DENND2B: variants seen among roughly 807,000 people sequenced by gnomAD.
DENND2B encodes the protein DENN domain containing 2B.
DENND2B carries 32 observed loss-of-function variants against 116.0 expected under a neutral mutation model. The observed-to-expected ratio is 0.28, with a 90% CI of 0.21 to 0.37. The LOEUF is 0.37. Ranked by LOEUF, DENND2B falls within the 10% of genes least tolerant of loss-of-function variation. DENND2B has a pLI of 1.00. For missense variants in DENND2B, 1,276 were observed against 1,477.7 expected (o/e 0.86, Z 2.24); for synonymous variants, 588 against 583.9 (o/e 1.01, Z -0.10).
chr11:8,697,541 G>C lies in DENND2B; in HGVS notation c.3036C>G (p.Asp1012Glu). Reference sequence around the variant, plus strand: ...TATTCTCACCATCGTCGGAGTCGCTGTCAGAGTCCTGGGAGATCAGCTCAT... The same window carrying C: ...TATTCTCACCATCGTCGGAGTCGCTCTCAGAGTCCTGGGAGATCAGCTCAT... ...RKNELISQDSDSDSDDECNTL... is the reference protein window; with the variant it reads ...RKNELISQDSESDSDDECNTL... Residue 1012 changes from aspartate to glutamate, a missense_variant, in exon 17 of 20, where the codon GAC becomes GAG. Asp to Glu is a conservative substitution (Grantham distance 45, BLOSUM62 2). Transcript: ENST00000313726. 2 of 1,614,034 alleles carry C rather than the reference G, an allele frequency of 1.2e-6. No homozygotes were observed. The highest frequency in any genetic ancestry group is 1.7e-6 in the Non-Finnish European group (2 of 1,179,848).
At chr11:8,861,056 G>C (rs1156600748) in intron 2 of DENND2B, among the ~76,000 whole-genome samples, 1 of 151,986 alleles carries the variant, frequency 6.6e-6, no homozygotes, top group Non-Finnish European at 1.5e-5. Context: ...CAAAGATTTA[G>C]ATCTAAGACA....
At chr11:8,740,625 G>C (rs777826789) in intron 2 of DENND2B, among the ~76,000 whole-genome samples, 2 of 152,166 alleles carry the variant, frequency 1.3e-5, no homozygotes, top group Non-Finnish European at 2.9e-5. Flanking sequence ...TGCCATGAGT[G>C]TTATGAGTGC....
chr11:8,783,256 G>A (rs553959819), intron 1 of DENND2B, among the ~76,000 whole-genome samples: 4 of 152,032 alleles, frequency 2.6e-5, no homozygotes, highest in Admixed American at 1.3e-4. Context: ...ATCTCACTAC[G>A]TTGCCCAGGC....
In DENND2B at chr11:8,901,229, C is replaced by CTTTTTTTTTTTTTT. The variant is rs1555223231; in HGVS notation, c.-256+9578_-256+9591dup. 4.8e-5 allele frequency among the ~76,000 whole-genome samples: 4 copies of CTTTTTTTTTTTTTT among 83,918 alleles called. 1 individual carries two copies. Among genetic ancestry groups the CTTTTTTTTTTTTTT allele is most frequent in the Non-Finnish European group, 8.8e-5 (4 of 45,238 alleles). 55.1% of individuals were successfully genotyped at this position (83,918 alleles called of 152,430 possible). On this transcript the variant is annotated intron_variant, in intron 1 of 22. Transcript: ENST00000534127. ...CTTTTTCTTTCTTTTCTTTTCTTTTCTTTTTTTTTTTTTTTTTTGAGATGG... is the reference window on the plus strand; with the variant it reads ...CTTTTTCTTTCTTTTCTTTTCTTTTCTTTTTTTTTTTTTTTTTTTTTTTTTTTTTTTTGAGATGG...
chr11:8,806,634 A>ACACACACACACACACACACACC (rs1442850134), intron 1 of DENND2B, among the ~76,000 whole-genome samples: 11 of 151,680 alleles, frequency 7.3e-5, no homozygotes, highest in Admixed American at 7.2e-4. Flanking sequence ...ACACACACAC[A>ACACACACACACACACACACACC]CACACCCAGG....
chr11:8,800,226 T>C (rs1319512247), intron 1 of DENND2B, among the ~76,000 whole-genome samples: 1 of 152,132 alleles, frequency 6.6e-6, no homozygotes, highest in African/African-American at 2.4e-5. Flanking sequence ...AGTGTTAGGA[T>C]TATAAGTGTG....
upstream of DENND2B, among the ~76,000 whole-genome samples, chr11:8,813,855 T>C (rs1210486945): frequency 6.6e-6 from 1 of 152,160 alleles, no homozygotes; most frequent in Non-Finnish European, 1.5e-5. Flanking sequence ...AGAACTGGAA[T>C]CCCTGCTTGG....
At chr11:8,714,848 G>A in intron 6 of DENND2B, 142 bp from the exon 7 acceptor site, 1 of 663,568 alleles carries the variant, frequency 1.5e-6, no homozygotes, top group Non-Finnish European at 2.6e-6. Flanking sequence ...TGGTCTAACT[G>A]CAGAACCGAC....
At chr11:8,847,075 C>A (rs1460483701) in intron 3 of DENND2B, among the ~76,000 whole-genome samples, 1 of 152,210 alleles carries the variant, frequency 6.6e-6, no homozygotes, top group South Asian at 2.1e-4. Context: ...CTTTCATAGT[C>A]TTTGGCTTAG....
At chr11:8,785,909 A>G (rs1454317113) in intron 1 of DENND2B, 1 of 152,218 alleles carries the variant, frequency 6.6e-6, no homozygotes, top group Admixed American at 6.5e-5. Context: ...CTTGGCTCCA[A>G]TTTCTAGCTG....
chr11:8,730,792 C>T lies in DENND2B; in HGVS notation c.498G>A (p.Glu166=), dbSNP rs777844955. 6.2e-7 allele frequency: 1 copy of T among 1,612,986 alleles called. No homozygotes were observed. The highest frequency in any genetic ancestry group is 8.5e-7 in the Non-Finnish European group (1 of 1,179,982). ...GTRAHSLGIR[E]KISAWEGRRE... ...GGCGACCTTCCCATGCTGATATCTT[C>T]TCCCGGATGCCCAGGCTGTGGGCGC... is the stretch of plus-strand genomic sequence containing the variant. Residue 166 remains glutamate (E), a synonymous_variant, in exon 3 of 20, where the codon GAG becomes GAA. Coordinates refer to ENST00000313726, the MANE Select transcript of DENND2B (RefSeq NM_213618.2). The surrounding 1 kb of genome is among the most constrained non-coding windows in gnomAD (Gnocchi z 4.1).
intron 4 of DENND2B, among the ~76,000 whole-genome samples, chr11:8,817,992 T>C (rs111238374): frequency 1.3e-4 from 20 of 151,560 alleles, no homozygotes; most frequent in South Asian, 2.1e-4. Flanking sequence ...CCGGGCGTGG[T>C]GGCTCACACC....
intron 1 of DENND2B, among the ~76,000 whole-genome samples, chr11:8,807,133 A>T (rs770137410): frequency 3.9e-5 from 6 of 152,194 alleles, no homozygotes; most frequent in Non-Finnish European, 8.8e-5. Flanking sequence ...TCCAGCCTCA[A>T]CTATGTGTTC....
chr11:8,863,329 T>G (rs1253274296), intron 2 of DENND2B, among the ~76,000 whole-genome samples: 1 of 128,442 alleles, frequency 7.8e-6, no homozygotes. Flanking sequence ...CGATCTCGGC[T>G]CACTGCAAGC....
At chr11:8,861,535 G>C (rs2063390743) in intron 2 of DENND2B, among the ~76,000 whole-genome samples, 1 of 152,158 alleles carries the variant, frequency 6.6e-6, no homozygotes, top group Non-Finnish European at 1.5e-5. Context: ...AAAAACAATA[G>C]ATCTTGACAT....
At chr11:8,899,213 TGAGA>T (rs1014174416) in intron 1 of DENND2B, among the ~76,000 whole-genome samples, 9 of 152,030 alleles carry the variant, frequency 5.9e-5, no homozygotes, top group Admixed American at 5.9e-4. Context: ...CTCAGAGATT[TGAGA>T]GATACCACCA....
intron 2 of DENND2B, among the ~76,000 whole-genome samples, chr11:8,870,391 C>T (rs1354109113): frequency 2.0e-5 from 3 of 152,154 alleles, no homozygotes; most frequent in Admixed American, 6.5e-5. Context: ...CGTGTCTGCA[C>T]AAGGGCAAAA....
At chr11:8,699,061 G>A (rs2040996188) in intron 15 of DENND2B, 87 bp from the exon 16 acceptor site, 1 of 1,576,144 alleles carries the variant, frequency 6.3e-7, no homozygotes, top group Non-Finnish European at 8.6e-7. Context: ...CAGGTTCCCA[G>A]GGTCAGCTAA....
rs763725203 is a variant in DENND2B, at chr11:8,730,163, G to A, written c.1127C>T (p.Ser376Leu). Reference protein sequence around the residue: ...GNSPSSQRLPSKSSLDPAVNP... With the variant: ...GNSPSSQRLPLKSSLDPAVNP... ...CACAGCGGGATCGAGGGAACTCTTC[G>A]ATGGCAGCCGCTGGGAGCTAGGGCT... The change falls in exon 3 of 20, where the codon TCG becomes TTG. Residue 376 changes from serine (S) to leucine (L), a missense_variant. Ser to Leu is a moderately radical substitution (Grantham distance 145). This residue lies in a region of DENND2B where 856 missense variants were observed against 846.6 expected (regional missense o/e 1.01). Coordinates refer to ENST00000313726, the MANE Select transcript of DENND2B (RefSeq NM_213618.2). The surrounding 1 kb of genome is among the most constrained non-coding windows in gnomAD (Gnocchi z 4.1). 8 of 1,614,040 alleles carry A rather than the reference G, an allele frequency of 5.0e-6. No homozygotes were observed. The highest frequency in any genetic ancestry group is 1.3e-5 in the African/African-American group (1 of 74,936).
Sources: allele counts gnomAD v4.1 joint callset (sites outside exome capture counted in the v4.1 genomes callset), GRCh38; gene constraint gnomAD v4.1.1; regional missense constraint gnomAD v4.1.1; non-coding constraint Gnocchi (gnomAD v3.1); transcripts MANE v1.5; gene names NCBI Gene and HGNC (gene_info 2026-07-23, HGNC 2026-07-21).